CSMD1: variants seen among roughly 807,000 people sequenced by gnomAD.
CSMD1 encodes CUB and sushi domain-containing protein 1.
In CSMD1, 213 loss-of-function variants were observed where a neutral mutation model predicts 417.5. The observed-to-expected ratio is 0.51, with a 90% CI of 0.46 to 0.57. CSMD1 has a LOEUF of 0.57. Among genes scored for constraint, CSMD1 ranks in the 20% least tolerant of loss-of-function variants. The pLI is 0.00. For missense variants in CSMD1, 6,923 were observed against 4,529.7 expected (o/e 1.53, Z -15.17); for synonymous variants, 2,862 against 1,736.8 (o/e 1.65, Z -16.11).
chr8:3,282,837 T>C (rs1802841074), intron 26 of CSMD1, among the ~76,000 whole-genome samples: 4 of 152,214 alleles, frequency 2.6e-5, no homozygotes, highest in Non-Finnish European at 4.4e-5. Flanking sequence ...AATTTTCTTA[T>C]GTAAATCCTA....
intron 25 of CSMD1, among the ~76,000 whole-genome samples, chr8:3,298,865 G>C (rs1328712588): frequency 6.6e-6 from 1 of 152,188 alleles, no homozygotes; most frequent in Non-Finnish European, 1.5e-5. Flanking sequence ...CCTGAGTCCA[G>C]ATAATTTTCC....
intron 2 of CSMD1, among the ~76,000 whole-genome samples, chr8:4,562,649 A>G (rs556195406): frequency 1.3e-5 from 2 of 152,300 alleles, no homozygotes; most frequent in African/African-American, 4.8e-5. Context: ...GTCAGATTCT[A>G]TGGAGATCCA....
chr8:4,544,638 T>C (rs947118784), intron 2 of CSMD1, among the ~76,000 whole-genome samples: 5 of 152,188 alleles, frequency 3.3e-5, no homozygotes, highest in Non-Finnish European at 5.9e-5. Flanking sequence ...AATTTAACTA[T>C]AGTTGGTAAG....
chr8:4,284,502 C>G (rs916737666), intron 3 of CSMD1, among the ~76,000 whole-genome samples: 11 of 152,186 alleles, frequency 7.2e-5, no homozygotes, highest in African/African-American at 2.6e-4. Context: ...TTTTGCGCAC[C>G]ATGCCTTCCC....
At chr8:4,439,056 T>C (rs1798312459) in intron 2 of CSMD1, among the ~76,000 whole-genome samples, 2 of 152,196 alleles carry the variant, frequency 1.3e-5, no homozygotes, top group South Asian at 4.1e-4. Context: ...TTAGCTGATA[T>C]AGGTCTTATT....
chr8:3,307,568 A>C, intron 25 of CSMD1, 127 bp downstream of exon 25: 1 of 1,126,286 alleles, frequency 8.9e-7, no homozygotes, highest in Non-Finnish European at 1.2e-6. Flanking sequence ...TTTTAGCTAC[A>C]GCTTTACCTT....
intron 11 of CSMD1, among the ~76,000 whole-genome samples, chr8:3,477,948 A>G (rs961923587): frequency 2.0e-5 from 3 of 152,234 alleles, no homozygotes; most frequent in Non-Finnish European, 4.4e-5. Context: ...ACTGAAAAAT[A>G]AGTCAAGGGA....
intron 7 of CSMD1, among the ~76,000 whole-genome samples, chr8:3,693,772 A>G (rs147877382): frequency 1.3e-5 from 2 of 151,518 alleles, no homozygotes; most frequent in African/African-American, 2.4e-5. Flanking sequence ...TTTTGTGTGT[A>G]TTGAATATAG....
At chr8:4,403,805 T>C (rs995646256) in intron 3 of CSMD1, among the ~76,000 whole-genome samples, 1 of 152,160 alleles carries the variant, frequency 6.6e-6, no homozygotes. Context: ...TCAGCTTACA[T>C]TTCTAGCTGC....
intron 3 of CSMD1, among the ~76,000 whole-genome samples, chr8:4,136,930 T>G (rs573512289): frequency 2.6e-5 from 4 of 152,338 alleles, no homozygotes; most frequent in African/African-American, 9.6e-5. Flanking sequence ...TCCCAAGTAC[T>G]AGATTAAAAT....
intron 49 of CSMD1, among the ~76,000 whole-genome samples, chr8:3,057,089 G>A (rs1161708798): frequency 1.3e-5 from 2 of 151,998 alleles, no homozygotes; most frequent in African/African-American, 2.4e-5. Flanking sequence ...TGACTATACA[G>A]AAACTTCCAC....
chr8:4,780,184 C>T (rs1045379088), intron 1 of CSMD1, among the ~76,000 whole-genome samples: 1 of 152,162 alleles, frequency 6.6e-6, no homozygotes, highest in Non-Finnish European at 1.5e-5. Flanking sequence ...ACCTAGTGCG[C>T]CTATGATAGG....
At chr8:4,616,857 C>T (rs1801500733) in intron 2 of CSMD1, among the ~76,000 whole-genome samples, 1 of 152,040 alleles carries the variant, frequency 6.6e-6, no homozygotes. Context: ...TTGGTTTTTG[C>T]TGTTTAATTT....
intron 47 of CSMD1, among the ~76,000 whole-genome samples, chr8:3,093,654 G>C (rs558645342): frequency 1.3e-5 from 2 of 151,494 alleles, no homozygotes; most frequent in Non-Finnish European, 2.9e-5. Flanking sequence ...GGCAACAAGA[G>C]CAAAATTCTG....
chr8:4,224,638 G>T (rs1308801731), intron 3 of CSMD1, among the ~76,000 whole-genome samples: 1 of 152,198 alleles, frequency 6.6e-6, no homozygotes, highest in Non-Finnish European at 1.5e-5. Context: ...TTCATCCATA[G>T]TGAAGAGGGA....
intron 6 of CSMD1, among the ~76,000 whole-genome samples, chr8:3,749,983 A>C (rs1333706089): frequency 6.6e-6 from 1 of 152,136 alleles, no homozygotes; most frequent in Admixed American, 6.5e-5. Flanking sequence ...CAGTTTTCTA[A>C]AACGGTCATA....
intron 1 of CSMD1, among the ~76,000 whole-genome samples, chr8:4,937,995 C>A (rs1201760743): frequency 6.6e-6 from 1 of 152,124 alleles, no homozygotes; most frequent in African/African-American, 2.4e-5. Flanking sequence ...CTTTGTGACT[C>A]ATCCTCCCTC....
At chr8:3,414,824 C>G (rs1341721555) in intron 12 of CSMD1, among the ~76,000 whole-genome samples, 1 of 152,134 alleles carries the variant, frequency 6.6e-6, no homozygotes, top group Non-Finnish European at 1.5e-5. Flanking sequence ...CCATTCTTTC[C>G]TCTGTTGTCT....
intron 3 of CSMD1, among the ~76,000 whole-genome samples, chr8:4,193,795 G>C (rs887467634): frequency 6.6e-6 from 1 of 152,040 alleles, no homozygotes; most frequent in East Asian, 1.9e-4. Context: ...GACATCGAAG[G>C]ATGCTATGGC....
Sources: gnomAD v4.1 joint callset for allele counts (sites outside exome capture counted in the v4.1 genomes callset) on GRCh38, gnomAD v4.1.1 for gene constraint, MANE v1.5 for transcripts, NCBI Gene and HGNC (gene_info 2026-07-23, HGNC 2026-07-21) for gene names.